DACH2: variants seen among roughly 807,000 people sequenced by gnomAD.
The protein encoded by DACH2 is dachshund homolog 2.
In DACH2, 17 loss-of-function variants were observed where a neutral mutation model predicts 35.8. That is an observed-to-expected ratio of 0.48 (90% confidence interval 0.33 to 0.71). DACH2 has a LOEUF of 0.71. Among genes scored for constraint, DACH2 ranks in the 30% least tolerant of loss-of-function variants. DACH2 has a pLI of 0.02. For synonymous variants in DACH2, 195 were observed against 177.3 expected (o/e 1.10, Z -0.79); for missense variants, 469 against 472.7 (o/e 0.99, Z 0.07).
intron 1 of DACH2, among the ~76,000 whole-genome samples, chrX:86,280,541 T>C (rs866883440): frequency 1.8e-5 from 2 of 111,806 alleles, no homozygotes; most frequent in South Asian, 7.5e-4. Flanking sequence ...AGAAACTGCA[T>C]CAACTAATGG....
intron 1 of DACH2, among the ~76,000 whole-genome samples, chrX:86,334,729 G>A (rs1457882707): frequency 1.8e-5 from 2 of 111,921 alleles, no homozygotes; most frequent in Non-Finnish European, 3.8e-5. Flanking sequence ...TCTGATGATA[G>A]TTTCTTTTGC....
At chrX:86,709,141 C>T (rs760335019) in intron 5 of DACH2, among the ~76,000 whole-genome samples, 1 of 111,644 alleles carries the variant, frequency 9.0e-6, no homozygotes, top group East Asian at 2.8e-4. Context: ...CACTACCATA[C>T]TTCATTATTT....
intron 1 of DACH2, among the ~76,000 whole-genome samples, chrX:86,299,162 AC>A (rs2034524742): frequency 8.9e-6 from 1 of 112,499 alleles, no homozygotes; most frequent in South Asian, 3.6e-4. Context: ...TTCAAGCTTT[AC>A]TTTTATAAGG....
intron 11 of DACH2, among the ~76,000 whole-genome samples, chrX:86,820,325 G>T (rs1448229886): frequency 8.9e-6 from 1 of 111,836 alleles, no homozygotes; most frequent in African/African-American, 3.2e-5. Context: ...ATTTTCCTCT[G>T]ATATTTTTTC....
At position 86,367,861 on chromosome X, in the gene DACH2, A is replaced by G. The variant is rs367918306; in HGVS notation, c.489-8963A>G. Among the ~76,000 whole-genome samples the G allele has an allele frequency of 3.0e-4, 34 of 111,754 alleles. No homozygotes were observed. In the East Asian group the frequency reaches 3.7e-3, roughly 12 times the overall value. On this transcript the variant is annotated intron_variant, in intron 1 of 11. Transcript: ENST00000373125. ...ATTCTGTACTTAGTTTCCATAAGTC[A>G]GGCTTTAAATCATATTAATGTTGGC...
chrX:86,381,454 C>A (rs1413084101), intron 2 of DACH2, among the ~76,000 whole-genome samples: 2 of 110,377 alleles, frequency 1.8e-5, no homozygotes, highest in Non-Finnish European at 1.9e-5. Flanking sequence ...AAAGTATCGT[C>A]TAAGTTACAA....
chrX:86,411,855 G>A (rs191540198), intron 2 of DACH2, among the ~76,000 whole-genome samples: 7 of 110,990 alleles, frequency 6.3e-5, no homozygotes, highest in Admixed American at 4.8e-4. Flanking sequence ...ACCTCAGCAG[G>A]TTGTGTTTTT....
intron 3 of DACH2, among the ~76,000 whole-genome samples, chrX:86,525,782 C>G (rs1602608665): frequency 9.0e-6 from 1 of 111,085 alleles, no homozygotes; most frequent in East Asian, 2.8e-4. Flanking sequence ...TCTGGTCCAT[C>G]CTCAAACCAT....
intron 1 of DACH2, among the ~76,000 whole-genome samples, chrX:86,234,864 C>T (rs1027522794): frequency 9.0e-6 from 1 of 111,190 alleles, no homozygotes; most frequent in Admixed American, 9.6e-5. Context: ...CTGCCCGCCT[C>T]GACCTCCCAA....
At chrX:86,580,121 T>C (rs1366078835) in intron 3 of DACH2, among the ~76,000 whole-genome samples, 2 of 111,559 alleles carry the variant, frequency 1.8e-5, no homozygotes, top group Non-Finnish European at 3.8e-5. Context: ...CTTACTTGAG[T>C]CTTAGCCCGC....
At chrX:86,758,554 T>A (rs767005988) in intron 7 of DACH2, among the ~76,000 whole-genome samples, 1 of 112,245 alleles carries the variant, frequency 8.9e-6, no homozygotes, top group Admixed American at 9.5e-5. Context: ...ATTTTATTAT[T>A]TATTTTCAGT....
At chrX:86,296,951 TACAC>T (rs1041286409) in intron 1 of DACH2, among the ~76,000 whole-genome samples, 11 of 108,164 alleles carry the variant, frequency 1.0e-4, no homozygotes, top group Admixed American at 4.0e-4. Context: ...TGTCATAACA[TACAC>T]ATGCATGCAC....
intron 2 of DACH2, among the ~76,000 whole-genome samples, chrX:86,440,979 T>C (rs1163634348): frequency 2.7e-5 from 3 of 110,949 alleles, no homozygotes; most frequent in Non-Finnish European, 5.7e-5. Flanking sequence ...AACCTCTCCC[T>C]CTCTCCTCCC....
chrX:86,438,219 GTTTT>G (rs695264), intron 2 of DACH2, among the ~76,000 whole-genome samples: 1 of 81,164 alleles, frequency 1.2e-5, no homozygotes, highest in African/African-American at 5.3e-5. Context: ...GATCTCGTAG[GTTTT>G]TTTTTTTTTT....
chrX:86,679,825 C>A lies in DACH2; in HGVS notation c.773-15196C>A, dbSNP rs139490105. 4.4e-3 allele frequency among the ~76,000 whole-genome samples: 490 copies of A among 110,985 alleles called. 3 individuals carry two copies. Among genetic ancestry groups the A allele is most frequent in the African/African-American group, 0.015 (465 of 30,578 alleles). Reference sequence around the variant, plus strand: ...GTGTGCTGGTGCATATTTAACCTTTCCTCCTTACAGGAATGGGTCTGAGCT... The same window carrying A: ...GTGTGCTGGTGCATATTTAACCTTTACTCCTTACAGGAATGGGTCTGAGCT... On this transcript the variant is annotated intron_variant, in intron 4 of 11. Transcript: ENST00000373125.
At chrX:86,777,353 T>C (rs996593904) in intron 7 of DACH2, among the ~76,000 whole-genome samples, 1 of 111,517 alleles carries the variant, frequency 9.0e-6, no homozygotes, top group Admixed American at 9.5e-5. Flanking sequence ...ATGAGCATTT[T>C]TTCATGTATC....
chrX:86,664,249 A>G (rs962499583), intron 4 of DACH2, among the ~76,000 whole-genome samples: 3 of 110,576 alleles, frequency 2.7e-5, no homozygotes, highest in Non-Finnish European at 5.7e-5. Context: ...GTTAACATGC[A>G]TTATTTAATA....
chrX:86,696,740 C>A (rs1054060892), intron 5 of DACH2, among the ~76,000 whole-genome samples: 1 of 110,878 alleles, frequency 9.0e-6, no homozygotes, highest in Non-Finnish European at 1.9e-5. Context: ...AGATCTAGCT[C>A]GAGAGACAAA....
intron 3 of DACH2, among the ~76,000 whole-genome samples, chrX:86,561,901 T>TAAAAAAAAAA (rs60538249): frequency 3.1e-5 from 2 of 65,077 alleles, no homozygotes; most frequent in African/African-American, 6.3e-5. Flanking sequence ...AAAGTAGAAT[T>TAAAAAAAAAA]AAAAAAAAAA....
Sources: allele counts gnomAD v4.1 joint callset (sites outside exome capture counted in the v4.1 genomes callset), GRCh38; gene constraint gnomAD v4.1.1; transcripts MANE v1.5; gene names NCBI Gene and HGNC (gene_info 2026-07-23, HGNC 2026-07-21).